DNAI3: variants seen among roughly 807,000 people sequenced by gnomAD.
The protein encoded by DNAI3 is dynein axonemal intermediate chain 3, also known as WD repeat domain 63.
In DNAI3, 83 loss-of-function variants were observed where a neutral mutation model predicts 115.5. The ratio of observed to expected loss-of-function variants is 0.72; its 90% CI spans 0.60 to 0.86. The LOEUF is 0.86. DNAI3 is among the 40% of genes least tolerant of loss of function. The pLI, the probability that DNAI3 is intolerant of heterozygous loss-of-function variation, is 0.00. For missense variants in DNAI3, 1,004 were observed against 1,075.8 expected, an observed-to-expected ratio of 0.93 and a Z score of 0.93; for synonymous variants, 320 against 347.0, an observed-to-expected ratio of 0.92 and a Z score of 0.86.
chr1:85,130,103 G>GA lies in DNAI3; in HGVS notation c.2529dup (p.Val844SerfsTer2). 6.2e-7 allele frequency: 1 copy of GA among 1,613,184 alleles called. No individual in the cohort carries two copies. Among genetic ancestry groups the GA allele is most frequent in the Non-Finnish European group, 8.5e-7 (1 of 1,179,620 alleles). Reference sequence around the variant, plus strand: ...AAGAAATGGAACTAGAAATGGCAAAGAAAAAAGTTGTAAGTTAAATTTCAG... The same window carrying GA: ...AAGAAATGGAACTAGAAATGGCAAAGAAAAAAAGTTGTAAGTTAAATTTCAG... On this transcript the variant is annotated frameshift_variant, in exon 22 of 23. Coordinates refer to ENST00000294664, the MANE Select transcript of DNAI3 (RefSeq NM_145172.5). LOFTEE classifies it low-confidence loss of function (END_TRUNC).
chr1:85,090,189 C>A lies in DNAI3; in HGVS notation c.814C>A (p.Gln272Lys). The A allele has an allele frequency of 6.3e-7, 1 of 1,587,074 alleles. No individual in the cohort carries two copies. Among genetic ancestry groups the A allele is most frequent in the African/African-American group, 1.4e-5 (1 of 73,966 alleles). Residue 272 changes from glutamine (Q) to lysine (K), a missense_variant, in exon 8 of 23, where the codon CAA becomes AAA. By Grantham distance (53) the Gln-to-Lys change is moderately conservative (BLOSUM62 1). Coordinates refer to ENST00000294664, the MANE Select transcript of DNAI3 (RefSeq NM_145172.5). ...AGAAGAGGAAAAAGAGACACTCAAA[C>A]AATCAAAGCCTTTGGTTGATTTTCT... ...FSEEEKETLK[Q>K]SKPLVDFLNN...
chr1:85,128,657 A>T (rs1367684445), intron 20 of DNAI3, 51 bp from the exon 21 acceptor site: 4 of 1,471,196 alleles, frequency 2.7e-6, no homozygotes, highest in Non-Finnish European at 2.8e-6. Context: ...ACTGCTTAAG[A>T]TGGTTTTCTG....
At chr1:85,107,310 G>A (rs1655517105) in intron 14 of DNAI3, among the ~76,000 whole-genome samples, 1 of 152,148 alleles carries the variant, frequency 6.6e-6, no homozygotes, top group African/African-American at 2.4e-5. Context: ...AAGCTGTGGT[G>A]GGGAGGTGCA....
chr1:85,111,892 A>G (rs1655670718), intron 16 of DNAI3, among the ~76,000 whole-genome samples: 1 of 152,292 alleles, frequency 6.6e-6, no homozygotes, highest in East Asian at 1.9e-4. Context: ...AATCAAGATA[A>G]TGAACATATT....
At chr1:85,108,901 T>A (rs1655574643) in intron 15 of DNAI3, among the ~76,000 whole-genome samples, 1 of 152,250 alleles carries the variant, frequency 6.6e-6, no homozygotes, top group Non-Finnish European at 1.5e-5. Flanking sequence ...GTAATAATTA[T>A]CCAATAGCAT....
At chr1:85,074,426 C>G (rs930776636) in intron 3 of DNAI3, among the ~76,000 whole-genome samples, 9 of 152,202 alleles carry the variant, frequency 5.9e-5, no homozygotes, top group Admixed American at 5.2e-4. Context: ...CAACCTACAG[C>G]CCATCAGCCT....
chr1:85,127,314 G>A (rs937234657), intron 20 of DNAI3, among the ~76,000 whole-genome samples: 16 of 152,288 alleles, frequency 1.1e-4, no homozygotes, highest in Middle Eastern at 3.4e-3. Context: ...ATTCAATGAT[G>A]TGTCTATAGA....
chr1:85,127,207 A>C (rs1656173734), intron 20 of DNAI3, among the ~76,000 whole-genome samples: 1 of 152,156 alleles, frequency 6.6e-6, no homozygotes, highest in Non-Finnish European at 1.5e-5. Context: ...AATTCTCTTC[A>C]TAAGATAAAA....
intron 17 of DNAI3, among the ~76,000 whole-genome samples, chr1:85,118,595 C>T (rs1372865825): frequency 6.6e-6 from 1 of 152,172 alleles, no homozygotes; most frequent in African/African-American, 2.4e-5. Flanking sequence ...ATGCAATCTT[C>T]ATCCACACTT....
At chr1:85,072,187 C>T (rs769972856) in intron 2 of DNAI3, among the ~76,000 whole-genome samples, 182 bp downstream of exon 2, 6 of 152,098 alleles carry the variant, frequency 3.9e-5, no homozygotes, top group Non-Finnish European at 8.8e-5. Flanking sequence ...CATTATGATA[C>T]CAATTAGATG....
intron 7 of DNAI3, among the ~76,000 whole-genome samples, chr1:85,088,124 AC>A (rs35316046): frequency 0.18 from 27,480 of 151,938 alleles, 2,615 homozygotes; most frequent in South Asian, 0.26. Context: ...ATATATTAGT[AC>A]CAAATGAACT....
chr1:85,121,602 C>T lies in DNAI3; in HGVS notation c.1918-149C>T, dbSNP rs1301293745. 6 of 659,450 alleles carry T rather than the reference C, an allele frequency of 9.1e-6. No individual in the cohort carries two copies. The South Asian group carries it at 1.1e-4, about 12-fold the overall frequency. The allele number at this position is 659,450 out of a possible 1,614,324, so 40.8% of individuals were successfully genotyped here. A position where few individuals can be genotyped will look rare whatever the true frequency, so the allele number is the denominator to read the frequency against. ...AATTGAGTACTCATTTTGAGGCTTT[C>T]CCTCTCCCCCACTGGATCAAATTAC... On this transcript the variant is annotated intron_variant, in intron 17 of 22. Transcript: ENST00000294664.
chr1:85,121,449 C>G (rs551104693), intron 17 of DNAI3, among the ~76,000 whole-genome samples: 44 of 152,264 alleles, frequency 2.9e-4, no homozygotes, highest in African/African-American at 1.0e-3. Flanking sequence ...TACGGATCAA[C>G]AACAAAAACT....
chr1:85,107,017 C>G (rs937485913), intron 14 of DNAI3, among the ~76,000 whole-genome samples: 5 of 152,298 alleles, frequency 3.3e-5, no homozygotes, highest in Admixed American at 1.3e-4. Context: ...CAACCCAAAA[C>G]TACTTTTGAT....
At chr1:85,123,713 G>A (rs1226249818) in intron 18 of DNAI3, among the ~76,000 whole-genome samples, 3 of 152,118 alleles carry the variant, frequency 2.0e-5, no homozygotes, top group South Asian at 4.2e-4. Context: ...TTTGGGATGT[G>A]TTTATTGAAA....
At chr1:85,084,214 T>C (rs148495951) in intron 5 of DNAI3, among the ~76,000 whole-genome samples, 153 of 143,646 alleles carry the variant, frequency 1.1e-3, no homozygotes, top group Admixed American at 1.9e-3. Flanking sequence ...TATGTAGAGA[T>C]GTGTATATAT....
intron 7 of DNAI3, among the ~76,000 whole-genome samples, chr1:85,089,546 G>A (rs72946799): frequency 0.046 from 6,921 of 150,392 alleles, 265 homozygotes; most frequent in African/African-American, 0.11. Flanking sequence ...TATGTTTAGA[G>A]CAGAGTTTCT....
chr1:85,082,276 C>A lies in DNAI3; in HGVS notation c.286-24C>A, dbSNP rs377178957. The A allele has an allele frequency of 1.8e-4, 290 of 1,570,472 alleles. 2 individuals carry two copies. In the African/African-American group the frequency reaches 3.7e-3, roughly 20 times the overall value. ...CTGAATGACCATTGAACATTAACTTCCTATCTCAATTATATTCTTGTAGGA... is the reference window on the plus strand; with the variant it reads ...CTGAATGACCATTGAACATTAACTTACTATCTCAATTATATTCTTGTAGGA... On this transcript the variant is annotated intron_variant, in intron 4 of 22. Coordinates refer to ENST00000294664, the MANE Select transcript of DNAI3 (RefSeq NM_145172.5).
intron 17 of DNAI3, among the ~76,000 whole-genome samples, chr1:85,120,547 C>A (rs937401100): frequency 1.3e-5 from 2 of 152,200 alleles, no homozygotes; most frequent in African/African-American, 2.4e-5. Flanking sequence ...TGACTTGGTT[C>A]AATTTCATTG....
Sources: gnomAD v4.1 joint callset for allele counts (sites outside exome capture counted in the v4.1 genomes callset) on GRCh38, gnomAD v4.1.1 for gene constraint, MANE v1.5 for transcripts, NCBI Gene and HGNC (gene_info 2026-07-23, HGNC 2026-07-21) for gene names.